Variants in SYNRG observed in about 807,000 individuals in gnomAD.
The protein encoded by SYNRG is AP1 gamma subunit binding protein 1.
SYNRG carries 37 observed loss-of-function variants against 130.9 expected under a neutral mutation model. That is an observed-to-expected ratio of 0.28 (90% CI 0.22 to 0.37). The LOEUF (loss-of-function observed/expected upper bound fraction) is 0.37. Among genes scored for constraint, SYNRG ranks in the 10% least tolerant of loss-of-function variants. The pLI is 1.00. For missense variants in SYNRG, 1,338 were observed against 1,588.9 expected (o/e 0.84, Z 2.68); for synonymous variants, 539 against 568.1 (o/e 0.95, Z 0.73).
chr17:37,597,344 G>A (rs1025122182), intron 2 of SYNRG, among the ~76,000 whole-genome samples: 10 of 152,152 alleles, frequency 6.6e-5, no homozygotes, highest in African/African-American at 1.9e-4. Context: ...ATTCCTGACC[G>A]AGAGACACAC....
intron 2 of SYNRG, 130 bp downstream of exon 2, chr17:37,600,233 G>A: frequency 1.4e-6 from 1 of 733,246 alleles, no homozygotes; most frequent in Non-Finnish European, 2.2e-6. Context: ...AGGACATACA[G>A]GTTTAAGAGT....
At chr17:37,584,078 C>T (rs2146437319) in intron 6 of SYNRG, among the ~76,000 whole-genome samples, 3 of 152,260 alleles carry the variant, frequency 2.0e-5, no homozygotes, top group Middle Eastern at 6.8e-3. Context: ...TTCAAAAGAA[C>T]AACCAAACCC....
chr17:37,600,899 G>A (rs1260101042), intron 1 of SYNRG: 1 of 169,466 alleles, frequency 5.9e-6, no homozygotes, highest in African/African-American at 2.4e-5. Flanking sequence ...TTTTATGGAA[G>A]TAGCTCTGGA....
intron 1 of SYNRG, among the ~76,000 whole-genome samples, chr17:37,608,927 C>A (rs2064086401): frequency 1.3e-5 from 2 of 152,172 alleles, no homozygotes; most frequent in Admixed American, 6.5e-5. Flanking sequence ...AAGGGAAGAC[C>A]CTGGTCGCTT....
At position 37,520,539 on chromosome 17, in the gene SYNRG, C is replaced by T. The variant is rs762818702; in HGVS notation, c.3776G>A (p.Arg1259Gln). Residue 1259 changes from arginine to glutamine, a missense_variant and splice_region_variant, in exon 20 of 22, where the codon CGG (arginine) becomes CAG (glutamine). Arg to Gln is a conservative substitution (Grantham distance 43, BLOSUM62 1). Around this residue, in one of 3 missense-constraint regions of SYNRG, gnomAD observed 1,146 missense variants for 1,342.3 expected, o/e 0.85. Coordinates refer to ENST00000612223, the MANE Select transcript of SYNRG (RefSeq NM_007247.6). ...CTGCAAGGAGGCTGCGTGACTTACC[C>T]GGCTCCTCGAGTCCACATTCAAGAG... ...VCLLNVDSRS[R>Q]KEEKPAEEHP... The T allele has an allele frequency of 1.3e-5, 21 of 1,613,870 alleles. No homozygotes were observed. The highest frequency in any genetic ancestry group is 1.6e-4 in the Middle Eastern group (1 of 6,082).
At chr17:37,585,117 G>C (rs1291088383) in intron 5 of SYNRG, among the ~76,000 whole-genome samples, 2 of 152,216 alleles carry the variant, frequency 1.3e-5, no homozygotes, top group Non-Finnish European at 2.9e-5. Context: ...AAAAGATAAT[G>C]GCTGATAGCC....
chr17:37,580,435 G>C (rs771378921), intron 6 of SYNRG, among the ~76,000 whole-genome samples: 4 of 151,432 alleles, frequency 2.6e-5, no homozygotes, highest in Non-Finnish European at 2.9e-5. Flanking sequence ...AAGTAGCTGG[G>C]ACTACAGGTA....
chr17:37,544,970 A>C (rs1229161299), intron 14 of SYNRG, among the ~76,000 whole-genome samples: 1 of 152,006 alleles, frequency 6.6e-6, no homozygotes, highest in Non-Finnish European at 1.5e-5. Context: ...CTGTAATCCC[A>C]GCACTTTGGG....
chr17:37,562,870 T>A (rs934843210), intron 11 of SYNRG, among the ~76,000 whole-genome samples: 7 of 152,226 alleles, frequency 4.6e-5, no homozygotes, highest in African/African-American at 1.7e-4. Flanking sequence ...GTTGAATGAT[T>A]TCTTTATTTT....
intron 19 of SYNRG, among the ~76,000 whole-genome samples, chr17:37,534,873 C>T (rs2057037265): frequency 6.6e-6 from 1 of 151,204 alleles, no homozygotes; most frequent in South Asian, 2.1e-4. Context: ...AGCTGCAATC[C>T]CATTCAGATG....
intron 8 of SYNRG, among the ~76,000 whole-genome samples, chr17:37,575,027 T>G (rs977129867): frequency 1.3e-5 from 2 of 152,148 alleles, no homozygotes; most frequent in African/African-American, 4.8e-5. Flanking sequence ...GGACACTATA[T>G]TAAGTGAAAT....
intron 11 of SYNRG, chr17:37,567,675 C>A (rs564252549): frequency 1.2e-3 from 189 of 152,166 alleles, no homozygotes; most frequent in African/African-American, 4.4e-3. Flanking sequence ...ATTTGTAATT[C>A]TCTATAATGC....
In SYNRG at chr17:37,553,541, C is replaced by A. The variant is rs766394151; in HGVS notation, c.2182G>T (p.Val728Leu). The A allele has an allele frequency of 1.2e-6, 2 of 1,614,076 alleles. No homozygotes were observed. The highest frequency in any genetic ancestry group is 2.7e-5 in the African/African-American group (2 of 74,930). ...EASPVPLTSNVGSTVKGGQNS... is the reference protein window; with the variant it reads ...EASPVPLTSNLGSTVKGGQNS... ...TGTCCACCCTTCACTGTGCTGCCCA[C>A]GTTGCTGGTTAGAGGAACAGGACTG... The change falls in exon 14 of 22, where the codon GTG becomes TTG. Residue 728 changes from valine (V) to leucine (L), a missense_variant. Physicochemically the swap from Val to Leu is conservative, Grantham distance 32 (BLOSUM62 1). Coordinates refer to ENST00000612223, the MANE Select transcript of SYNRG (RefSeq NM_007247.6).
chr17:37,600,292 A>C lies in SYNRG; in HGVS notation c.118+71T>G, dbSNP rs1416499912. The C allele has an allele frequency of 4.4e-6, 6 of 1,361,272 alleles. No individual in the cohort carries two copies. The South Asian group carries it at 8.7e-5, about 20-fold the overall frequency. The allele number at this position is 1,361,272 out of a possible 1,614,324, so 84.3% of individuals were successfully genotyped here. ...CAGCAACAGAACTTATTTTCTATTT[A>C]CTTATTTAATTCCCAGATTCAGAAA... On this transcript the variant is annotated intron_variant, in intron 2 of 21. Transcript: ENST00000612223.
intron 8 of SYNRG, among the ~76,000 whole-genome samples, chr17:37,575,711 A>C (rs1452594248): frequency 6.6e-6 from 1 of 151,882 alleles, no homozygotes; most frequent in Non-Finnish European, 1.5e-5. Flanking sequence ...GTGTAGTGGC[A>C]TGCGCCTGTA....
chr17:37,561,382 A>C lies in SYNRG; in HGVS notation c.1600+89T>G, dbSNP rs144495007. The C allele has an allele frequency of 2.6e-4, 365 of 1,422,798 alleles. No individual in the cohort carries two copies. In the African/African-American group the frequency reaches 3.5e-3, roughly 14 times the overall value. 88.1% of individuals were successfully genotyped at this position (1,422,798 alleles called of 1,614,324 possible). On this transcript the variant is annotated intron_variant, in intron 12 of 21. Transcript: ENST00000612223. Reference sequence around the variant, plus strand: ...TGGTATACAGGCATTTTACATATTTAGCACAGAAGACCACCACTTAAAGAT... The same window carrying C: ...TGGTATACAGGCATTTTACATATTTCGCACAGAAGACCACCACTTAAAGAT...
At chr17:37,554,107 C>T in intron 13 of SYNRG, 48 bp from the exon 14 acceptor site, 3 of 1,524,364 alleles carry the variant, frequency 2.0e-6, no homozygotes, top group Non-Finnish European at 2.7e-6. Context: ...GAACTGAAAA[C>T]CATATAATAC....
intron 19 of SYNRG, among the ~76,000 whole-genome samples, chr17:37,526,617 C>CT (rs2144086560): frequency 6.6e-6 from 1 of 152,304 alleles, no homozygotes; most frequent in Admixed American, 6.5e-5. Flanking sequence ...AGGGGAAAAT[C>CT]TGTTTCCTTG....
chr17:37,566,805 C>T (rs2060034489), intron 11 of SYNRG: 1 of 152,144 alleles, frequency 6.6e-6, no homozygotes, highest in African/African-American at 2.4e-5. Flanking sequence ...AGAAATAAAC[C>T]ACCCATTTGA....
Sources: allele counts gnomAD v4.1 joint callset (sites outside exome capture counted in the v4.1 genomes callset), GRCh38; gene constraint gnomAD v4.1.1; regional missense constraint gnomAD v4.1.1; transcripts MANE v1.5; gene names NCBI Gene and HGNC (gene_info 2026-07-23, HGNC 2026-07-21).